Variants in CHST1 observed in about 807,000 individuals in gnomAD.
CHST1 encodes the protein Keratan sulfotransferase.
CHST1 carries 10 observed loss-of-function variants against 22.5 expected under a neutral mutation model. That is an observed-to-expected ratio of 0.44 (90% CI 0.27 to 0.75). The LOEUF (loss-of-function observed/expected upper bound fraction) is 0.75, where lower values mean the gene tolerates loss of function less well. Among genes scored for constraint, CHST1 ranks in the 30% least tolerant of loss-of-function variants. The probability of loss-of-function intolerance (pLI) is 0.15; values close to 1 mark genes in which losing one functional copy is unlikely to be tolerated. For missense variants in CHST1, 439 were observed against 576.1 expected (o/e 0.76, Z 2.44); for synonymous variants, 267 against 264.5 (o/e 1.01, Z -0.09).
rs1283081427 is a variant in CHST1, at chr11:45,650,107, T to C, written c.817A>G (p.Thr273Ala). Residue 273 changes from threonine to alanine, a missense_variant, in exon 4 of 4, where the codon ACC (threonine) becomes GCC (alanine). Physicochemically the swap from Thr to Ala is moderately conservative, Grantham distance 58. Transcript: ENST00000308064. ...TTGGAGAAGTCCTCGCACACCGTGG[T>C]CAGCTGCGTCACGTCCAGGTTGTAG... is the stretch of plus-strand genomic sequence containing the variant. The part of the protein sequence containing the change: ...KPYNLDVTQL[T>A]TVCEDFSNSV... 1 of 1,613,918 alleles carries C rather than the reference T, an allele frequency of 6.2e-7. No homozygotes were observed. The highest frequency in any genetic ancestry group is 2.2e-5 in the East Asian group (1 of 44,878).
intron 3 of CHST1, 136 bp from the exon 4 acceptor site, chr11:45,651,101 T>C: frequency 1.8e-6 from 1 of 559,490 alleles, no homozygotes; most frequent in South Asian, 3.8e-5. Context: ...CCTGAAGACC[T>C]AAGCAGCTTC....
In CHST1 at chr11:45,650,069, G is replaced by T. The variant is rs1851971909; in HGVS notation, c.855C>A (p.Thr285=). The T allele has an allele frequency of 3.1e-6, 5 of 1,614,008 alleles. No homozygotes were observed. The highest frequency in any genetic ancestry group is 4.2e-6 in the Non-Finnish European group (5 of 1,180,030). Residue 285 remains threonine (T), a synonymous_variant, in exon 4 of 4, where the codon ACC becomes ACA. Transcript: ENST00000308064. ...VCEDFSNSVS[T]GLMRPPWLKG... ...TGAGCCACGGGGGCCGCATGAGGCC[G>T]GTGGACACGGAGTTGGAGAAGTCCT... is the stretch of plus-strand genomic sequence containing the variant.
At chr11:45,657,994 C>T (rs537124342) in intron 1 of CHST1, among the ~76,000 whole-genome samples, 1 of 152,312 alleles carries the variant, frequency 6.6e-6, no homozygotes, top group South Asian at 2.1e-4. Context: ...GCAGGGCTGC[C>T]CAGCTGCCTC....
chr11:45,650,581 C>T lies in CHST1; in HGVS notation c.343G>A (p.Val115Ile). 6.2e-7 allele frequency: 1 copy of T among 1,613,938 alleles called. No individual in the cohort carries two copies. Among genetic ancestry groups the T allele is most frequent in the African/African-American group, 1.3e-5 (1 of 75,074 alleles). ...TQGKSPADRR[V>I]MLGASRDLLR... ...AGGTCGCGGCTGGCGCCTAGCATGA[C>T]CCGCCGGTCGGCCGGGCTCTTGCCC... The change falls in exon 4 of 4, where the codon GTC becomes ATC. Residue 115 changes from valine (V) to isoleucine (I), a missense_variant. Coordinates refer to ENST00000308064, the MANE Select transcript of CHST1 (RefSeq NM_003654.6).
chr11:45,659,890 C>G (rs1374182288), intron 1 of CHST1, among the ~76,000 whole-genome samples: 2 of 152,198 alleles, frequency 1.3e-5, no homozygotes, highest in Non-Finnish European at 2.9e-5. Flanking sequence ...CTTCCCTGCT[C>G]TAAGCCCAAA....
rs1321723809 is a variant in CHST1 at position 45,650,438 on chromosome 11, G to A, written c.486C>T (p.Ser162=). 4.3e-6 allele frequency: 7 copies of A among 1,610,660 alleles called. No individual in the cohort carries two copies. The highest frequency in any genetic ancestry group is 1.7e-5 in the Admixed American group (1 of 60,000). Residue 162 remains serine (S), a synonymous_variant, in exon 4 of 4, where the codon TCC becomes TCT. Coordinates refer to ENST00000308064, the MANE Select transcript of CHST1 (RefSeq NM_003654.6). ...FRRGASRVLC[S]RPVCDPPGPA... ...GCCCCGGAGGGTCGCACACAGGCCG[G>A]GAGCAGAGGACCCGGCTGGCCCCGC...
chr11:45,655,463 G>A (rs925799182), intron 1 of CHST1, among the ~76,000 whole-genome samples: 3 of 152,204 alleles, frequency 2.0e-5, no homozygotes, highest in Non-Finnish European at 2.9e-5. Context: ...GTGCAGCCTC[G>A]TAGTCCCGTC....
intron 1 of CHST1, among the ~76,000 whole-genome samples, chr11:45,660,770 G>A (rs45458595): frequency 2.0e-5 from 3 of 152,128 alleles, no homozygotes; most frequent in Non-Finnish European, 4.4e-5. Flanking sequence ...CTCCCCAAGT[G>A]CCCAGCTTGG....
rs982166523 is a variant in CHST1, at chr11:45,652,037, T to G, written c.-87A>C. 1 of 152,210 alleles carries G rather than the reference T, an allele frequency of 6.6e-6. No individual in the cohort carries two copies. Among genetic ancestry groups the G allele is most frequent in the Non-Finnish European group, 1.5e-5 (1 of 68,140 alleles). 9.4% of individuals were successfully genotyped at this position (152,210 alleles called of 1,614,324 possible). A position where few individuals can be genotyped will look rare whatever the true frequency, so the allele number is the denominator to read the frequency against. Reference sequence around the variant, plus strand: ...GCTGGGGAGTCCACAGCCACCAGCGTCTCCAGGCCCAGCTGGCAGTCCCAG... The same window carrying G: ...GCTGGGGAGTCCACAGCCACCAGCGGCTCCAGGCCCAGCTGGCAGTCCCAG... On this transcript the variant is annotated 5_prime_UTR_variant, in exon 3 of 4. Coordinates refer to ENST00000308064, the MANE Select transcript of CHST1 (RefSeq NM_003654.6).
At chr11:45,663,374 G>A (rs12364479) in intron 1 of CHST1, among the ~76,000 whole-genome samples, 10,260 of 152,228 alleles carry the variant, frequency 0.067, 505 homozygotes, top group Middle Eastern at 0.12. Flanking sequence ...GGGGAGAGTG[G>A]TCAGGGGGAT....
chr11:45,649,956 G>C lies in CHST1; in HGVS notation c.968C>G (p.Pro323Arg). ...CCAGCGGGCCACGTGGCTGTCCAGCGGGATGCCCAGGAACCCGTAGATCTC... is the reference window on the plus strand; with the variant it reads ...CCAGCGGGCCACGTGGCTGTCCAGCCGGATGCCCAGGAACCCGTAGATCTC... ...TEEIYGFLGI[P>R]LDSHVARWIQ... The change falls in exon 4 of 4, where the codon CCG becomes CGG. Residue 323 changes from proline to arginine, a missense_variant. Coordinates refer to ENST00000308064, the MANE Select transcript of CHST1 (RefSeq NM_003654.6). The C allele has an allele frequency of 1.2e-6, 2 of 1,613,344 alleles. No individual in the cohort carries two copies. Among genetic ancestry groups the C allele is most frequent in the East Asian group, 2.2e-5 (1 of 44,820 alleles).
At chr11:45,661,944 C>A (rs1852137993) in intron 1 of CHST1, among the ~76,000 whole-genome samples, 1 of 152,170 alleles carries the variant, frequency 6.6e-6, no homozygotes, top group Non-Finnish European at 1.5e-5. Context: ...CTCACCCTGC[C>A]CCAGCAGGCA....
intron 1 of CHST1, among the ~76,000 whole-genome samples, chr11:45,663,367 G>A (rs542654896): frequency 6.6e-6 from 1 of 152,320 alleles, no homozygotes; most frequent in African/African-American, 2.4e-5. Flanking sequence ...GGGTTGGGGG[G>A]AGAGTGGTCA....
Position 45,649,475 on chromosome 11 carries a change from C to A in CHST1, c.*213G>T. 5.4e-6 allele frequency: 3 copies of A among 559,408 alleles called. No individual in the cohort carries two copies. Among genetic ancestry groups the A allele is most frequent in the African/African-American group, 3.9e-5 (2 of 50,798 alleles). The allele number at this position is 559,408 out of a possible 1,614,324, so 34.7% of individuals were successfully genotyped here. On this transcript the variant is annotated 3_prime_UTR_variant, in exon 4 of 4. Transcript: ENST00000308064. ...TGGGGGGGGGGGGGGCGGGACCCTA[C>A]TTCAGGCGCCCTCTGCCCCAGTGAT...
chr11:45,650,934 C>A lies in CHST1; in HGVS notation c.-11G>T. 6.6e-7 allele frequency: 1 copy of A among 1,521,374 alleles called. No homozygotes were observed. Among genetic ancestry groups the A allele is most frequent in the East Asian group, 2.3e-5 (1 of 44,018 alleles). 94.2% of individuals were successfully genotyped at this position (1,521,374 alleles called of 1,614,324 possible). A position where few individuals can be genotyped will look rare whatever the true frequency, so the allele number is the denominator to read the frequency against. On this transcript the variant is annotated 5_prime_UTR_variant, in exon 4 of 4. The change creates a new upstream start codon in the 5' untranslated region. Coordinates refer to ENST00000308064, the MANE Select transcript of CHST1 (RefSeq NM_003654.6). ...CCAGGAACATTGCATGGCTGGGCAC[C>A]TTCATGGGGCTGCTTCTCCAAGGGG...
At position 45,650,322 on chromosome 11, in the gene CHST1, C is replaced by G; in HGVS notation, c.602G>C (p.Ser201Thr). The G allele has an allele frequency of 6.2e-7, 1 of 1,604,190 alleles. No homozygotes were observed. The highest frequency in any genetic ancestry group is 8.5e-7 in the Non-Finnish European group (1 of 1,179,692). ...TVAAEACRER[S>T]HVAIKTVRVP... is the part of the protein sequence containing the mutation. ...GCGCACCGTCTTGATGGCCACGTGG[C>G]TGCGCTCGCGGCACGCCTCGGCCGC... The change falls in exon 4 of 4, where the codon AGC becomes ACC. Residue 201 changes from serine to threonine, a missense_variant. Coordinates refer to ENST00000308064, the MANE Select transcript of CHST1 (RefSeq NM_003654.6).
intron 1 of CHST1, among the ~76,000 whole-genome samples, chr11:45,657,711 G>C (rs550796130): frequency 1.3e-5 from 2 of 152,334 alleles, no homozygotes; most frequent in Admixed American, 1.3e-4. Context: ...CTGGGGTCCA[G>C]ACTCGGCCTC....
intron 1 of CHST1, among the ~76,000 whole-genome samples, chr11:45,657,791 A>T (rs45443399): frequency 6.6e-6 from 1 of 152,172 alleles, no homozygotes; most frequent in Non-Finnish European, 1.5e-5. Flanking sequence ...AAACACTGTG[A>T]GGTCTATGGA....
chr11:45,660,832 C>T (rs1289740115), intron 1 of CHST1, among the ~76,000 whole-genome samples: 1 of 152,206 alleles, frequency 6.6e-6, no homozygotes, highest in Non-Finnish European at 1.5e-5. Flanking sequence ...CTCACTGACA[C>T]TGGCAGAAAC....
Sources: gnomAD v4.1 joint callset for allele counts (sites outside exome capture counted in the v4.1 genomes callset) on GRCh38, gnomAD v4.1.1 for gene constraint, MANE v1.5 for transcripts, NCBI Gene and HGNC (gene_info 2026-07-23, HGNC 2026-07-21) for gene names.